KLF8: variants seen among roughly 807,000 people sequenced by gnomAD.
KLF8 encodes KLF transcription factor 8, also known as Krueppel-like factor 8.
Under a neutral mutation model 18.2 loss-of-function variants are expected in KLF8, and 10 were observed. That is an observed-to-expected ratio of 0.55 (90% confidence interval 0.34 to 0.93). KLF8 has a LOEUF of 0.93. Ranked by LOEUF, KLF8 falls within the 40% of genes least tolerant of loss-of-function variation. KLF8 has a pLI of 0.02. For missense variants in KLF8, 264 were observed against 277.9 expected (o/e 0.95, Z 0.36); for synonymous variants, 109 against 97.3 (o/e 1.12, Z -0.71).
At chrX:55,935,921 C>A in the KLF8 span, among the ~76,000 whole-genome samples, 1 of 111,774 alleles carries the variant, frequency 8.9e-6, no homozygotes, top group African/African-American at 3.2e-5. Context: ...GGAATGGGAT[C>A]TTGGAGGGTT....
the KLF8 span, among the ~76,000 whole-genome samples, chrX:56,055,005 C>G: frequency 9.0e-6 from 1 of 111,575 alleles, no homozygotes; most frequent in East Asian, 2.8e-4. Context: ...AGACAGCTTG[C>G]CAATGGGTCT....
the KLF8 span, among the ~76,000 whole-genome samples, chrX:56,132,352 T>C: frequency 4.5e-5 from 5 of 110,969 alleles, no homozygotes; most frequent in South Asian, 3.8e-4. Flanking sequence ...ACCATGAAAA[T>C]ACATGGAAAT....
the KLF8 span, among the ~76,000 whole-genome samples, chrX:56,030,888 G>A: frequency 7.3e-5 from 8 of 109,625 alleles, no homozygotes; most frequent in Non-Finnish European, 1.3e-4. Flanking sequence ...TACTGCTGCT[G>A]CCTGTCCTGT....
the KLF8 span, among the ~76,000 whole-genome samples, chrX:56,037,321 A>G: frequency 7.2e-5 from 8 of 110,579 alleles, no homozygotes; most frequent in Non-Finnish European, 1.5e-4. Context: ...ATTTACTAAT[A>G]TTTTGTTCAG....
chrX:56,110,757 T>C, the KLF8 span, among the ~76,000 whole-genome samples: 3 of 112,036 alleles, frequency 2.7e-5, no homozygotes, highest in East Asian at 8.3e-4. Flanking sequence ...ATGTTGTTTT[T>C]GTCACAAATT....
chrX:55,941,736 C>A, the KLF8 span, among the ~76,000 whole-genome samples: 3 of 112,083 alleles, frequency 2.7e-5, no homozygotes. Flanking sequence ...CAAAAGAAGA[C>A]ATTTATGCAG....
At chrX:56,136,535 A>G in the KLF8 span, among the ~76,000 whole-genome samples, 1 of 111,953 alleles carries the variant, frequency 8.9e-6, no homozygotes, top group Non-Finnish European at 1.9e-5. Context: ...TGGTGCTGGG[A>G]AAACTGGCTA....
rs1017908391 is a variant in KLF8 at position 56,285,509 on chromosome X, G to T, written c.*1015G>T. On this transcript the variant is annotated 3_prime_UTR_variant, in exon 6 of 6. Coordinates refer to ENST00000468660, the MANE Select transcript of KLF8 (RefSeq NM_007250.5). ...ACACAAAGAAGCAATTGAGTATATT[G>T]CATGATGAGAAATCACACACTAGGG... is the stretch of plus-strand genomic sequence containing the variant. 7 of 111,445 alleles carry T rather than the reference G, an allele frequency of 6.3e-5. No homozygotes were observed. The highest frequency in any genetic ancestry group is 1.3e-4 in the Non-Finnish European group (7 of 53,053). The allele number at this position is 111,445 out of a possible 1,213,427, so 9.2% of individuals were successfully genotyped here. A position where few individuals can be genotyped will look rare whatever the true frequency, so the allele number is the denominator to read the frequency against.
At chrX:56,017,248 C>A in the KLF8 span, among the ~76,000 whole-genome samples, 1 of 112,188 alleles carries the variant, frequency 8.9e-6, no homozygotes, top group Non-Finnish European at 1.9e-5. Context: ...TGTAGGCATG[C>A]CATTGCTGTA....
the KLF8 span, among the ~76,000 whole-genome samples, chrX:56,130,885 T>G: frequency 9.0e-6 from 1 of 111,382 alleles, no homozygotes; most frequent in African/African-American, 3.3e-5. Flanking sequence ...CCAATAGAAT[T>G]GAACAAACAG....
At chrX:56,234,550 G>A (rs1216064267) in intron 1 of KLF8, among the ~76,000 whole-genome samples, 1 of 112,379 alleles carries the variant, frequency 8.9e-6, no homozygotes, top group Admixed American at 9.4e-5. Flanking sequence ...ACGAAACTTA[G>A]GAAGACTGAA....
chrX:56,138,664 C>A, the KLF8 span, among the ~76,000 whole-genome samples: 1,076 of 110,806 alleles, frequency 9.7e-3, 7 homozygotes, highest in Middle Eastern at 0.019. Context: ...AAGGAAGATA[C>A]CTCAAAAAAA....
At chrX:56,020,508 G>T in the KLF8 span, among the ~76,000 whole-genome samples, 2 of 111,473 alleles carry the variant, frequency 1.8e-5, no homozygotes, top group Non-Finnish European at 3.8e-5. Flanking sequence ...ACCAATATTT[G>T]GCTATTGATT....
chrX:56,045,810 G>C, the KLF8 span, among the ~76,000 whole-genome samples: 1 of 110,986 alleles, frequency 9.0e-6, no homozygotes, highest in Non-Finnish European at 1.9e-5. Context: ...TTTTGGATGA[G>C]TCTTTAGGGT....
the KLF8 span, among the ~76,000 whole-genome samples, chrX:56,133,025 A>T: frequency 2.7e-5 from 3 of 111,564 alleles, no homozygotes; most frequent in Non-Finnish European, 5.7e-5. Context: ...GGTAATTAAA[A>T]AAATGGCCAA....
chrX:56,169,738 T>C, the KLF8 span, among the ~76,000 whole-genome samples: 1 of 111,939 alleles, frequency 8.9e-6, no homozygotes, highest in African/African-American at 3.2e-5. Context: ...ATGGCATCTC[T>C]GGACCCACCA....
chrX:56,128,222 C>A, the KLF8 span, among the ~76,000 whole-genome samples: 1 of 112,081 alleles, frequency 8.9e-6, no homozygotes, highest in African/African-American at 3.2e-5. Context: ...GCATGTGAAA[C>A]ATACAAAATT....
At chrX:56,154,665 G>A in the KLF8 span, among the ~76,000 whole-genome samples, 2 of 111,733 alleles carry the variant, frequency 1.8e-5, no homozygotes, top group Non-Finnish European at 3.8e-5. Flanking sequence ...GAGTGAACAG[G>A]CAACCTACAG....
chrX:55,934,318 T>C, the KLF8 span, among the ~76,000 whole-genome samples: 7 of 111,708 alleles, frequency 6.3e-5, no homozygotes, highest in African/African-American at 9.7e-5. Flanking sequence ...TAATGGGGCT[T>C]TATATAGGGC....
Sources: gnomAD v4.1 joint callset for allele counts (sites outside exome capture counted in the v4.1 genomes callset) on GRCh38, gnomAD v4.1.1 for gene constraint, MANE v1.5 for transcripts, NCBI Gene and HGNC (gene_info 2026-07-23, HGNC 2026-07-21) for gene names.